Variants in SNTG2 observed in about 807,000 individuals in gnomAD.
SNTG2 encodes syntrophin gamma 2.
Under a neutral mutation model 70.9 loss-of-function variants are expected in SNTG2, and 74 were observed. That is an observed-to-expected ratio of 1.04 (90% CI 0.86 to 1.27). The LOEUF is 1.27. SNTG2 is among the 50% of genes most tolerant of loss of function. The pLI is 0.00. For missense variants in SNTG2, 717 were observed against 690.7 expected (o/e 1.04, Z -0.43); for synonymous variants, 278 against 273.8 (o/e 1.02, Z -0.15).
At chr2:1,291,557 T>G (rs1443340250) in intron 14 of SNTG2, among the ~76,000 whole-genome samples, 3 of 152,222 alleles carry the variant, frequency 2.0e-5, no homozygotes, top group Non-Finnish European at 2.9e-5. Context: ...ACTTCATTTT[T>G]GCAAATGGAT....
At chr2:1,026,042 A>G (rs1287394883) in intron 1 of SNTG2, among the ~76,000 whole-genome samples, 1 of 152,228 alleles carries the variant, frequency 6.6e-6, no homozygotes, top group African/African-American at 2.4e-5. Context: ...TTGCATGTTT[A>G]TAGAAGTTAA....
chr2:1,166,857 A>T lies in SNTG2; in HGVS notation c.499+1222A>T, dbSNP rs903692512. Among the ~76,000 whole-genome samples, 8 of 152,208 alleles carry T rather than the reference A, an allele frequency of 5.3e-5. No homozygotes were observed. The East Asian group carries it at 1.5e-3, about 29-fold the overall frequency. ...GAAGAGTATGCTGACAGGCACCAGC[A>T]GACACTGGCAGGCTATCGACTGGCA... On this transcript the variant is annotated intron_variant, in intron 7 of 16. Coordinates refer to ENST00000308624, the MANE Select transcript of SNTG2 (RefSeq NM_018968.4).
At position 1,098,262 on chromosome 2, in the gene SNTG2, T is replaced by A. The variant is rs576385457; in HGVS notation, c.267+10T>A. ...GGGCCTGAGTATAAAGGTATGGAAA[T>A]GGTTTTCTCTATTCCTGCTTTTTAT... On this transcript the variant is annotated intron_variant, in intron 3 of 16. Coordinates refer to ENST00000308624, the MANE Select transcript of SNTG2 (RefSeq NM_018968.4). The A allele has an allele frequency of 6.2e-7, 1 of 1,613,992 alleles. No homozygotes were observed. Among genetic ancestry groups the A allele is most frequent in the Admixed American group, 1.7e-5 (1 of 60,032 alleles).
chr2:1,053,891 T>G, intron 1 of SNTG2, among the ~76,000 whole-genome samples: 1 of 151,808 alleles, frequency 6.6e-6, no homozygotes, highest in African/African-American at 2.4e-5. Context: ...CTCTTCTCCC[T>G]TCCTCCCTCC....
At chr2:1,081,686 C>T (rs73170881) in intron 1 of SNTG2, among the ~76,000 whole-genome samples, 1,820 of 152,346 alleles carry the variant, frequency 0.012, 29 homozygotes, top group African/African-American at 0.035. Flanking sequence ...ACAGACGTCC[C>T]GTGAGCTCCC....
In SNTG2 at chr2:1,154,012, C is replaced by T. The variant is rs575340305; in HGVS notation, c.412-11536C>T. Among the ~76,000 whole-genome samples, 6 of 152,354 alleles carry T rather than the reference C, an allele frequency of 3.9e-5. No homozygotes were observed. The East Asian group carries it at 1.2e-3, about 29-fold the overall frequency. On this transcript the variant is annotated intron_variant, in intron 6 of 16. Coordinates refer to ENST00000308624, the MANE Select transcript of SNTG2 (RefSeq NM_018968.4). ...AAATACAAAAGTCGAATAGAAATCT[C>T]TTGCAAAACAGAATGTTACTTATAT...
At chr2:1,083,801 C>A in intron 2 of SNTG2, 146 bp downstream of exon 2, 1 of 872,086 alleles carries the variant, frequency 1.1e-6, no homozygotes, top group Non-Finnish European at 1.8e-6. Flanking sequence ...TTCACTGTGT[C>A]ACAAAATACA....
At chr2:1,260,564 A>G (rs1678361082) in intron 13 of SNTG2, among the ~76,000 whole-genome samples, 2 of 152,246 alleles carry the variant, frequency 1.3e-5, no homozygotes, top group African/African-American at 4.8e-5. Flanking sequence ...ATTCATTAAA[A>G]AATGGAGGAA....
chr2:1,299,766 C>T (rs1205683397), intron 14 of SNTG2, among the ~76,000 whole-genome samples: 2 of 152,188 alleles, frequency 1.3e-5, no homozygotes, highest in South Asian at 2.1e-4. Flanking sequence ...AGAGACCAGC[C>T]CGTCCTCTGT....
chr2:994,142 G>T (rs1210613915), intron 1 of SNTG2, among the ~76,000 whole-genome samples: 1 of 151,920 alleles, frequency 6.6e-6, no homozygotes, highest in East Asian at 1.9e-4. Context: ...ATTAGGTAAA[G>T]GGTCTATTCT....
Position 1,066,911 on chromosome 2 carries a change from C to T in SNTG2, c.73-16607C>T, listed in dbSNP as rs189779165. Among the ~76,000 whole-genome samples the T allele has an allele frequency of 1.4e-4, 22 of 152,272 alleles. No homozygotes were observed. The East Asian group carries it at 4.1e-3, about 28-fold the overall frequency. The stretch of plus-strand genomic sequence containing the variant: ...GTCAACTTCCAATGGCGTCGCTACG[C>T]TCCTCATCTTCAAAGCTCTCATCTC... On this transcript the variant is annotated intron_variant, in intron 1 of 16. Transcript: ENST00000308624.
intron 14 of SNTG2, among the ~76,000 whole-genome samples, chr2:1,307,367 GT>G (rs1680740073): frequency 6.7e-6 from 1 of 149,762 alleles, no homozygotes; most frequent in African/African-American, 2.5e-5. Context: ...GTATGTGTGT[GT>G]GTATATATGG....
At chr2:1,354,345 C>T (rs190904655) in intron 16 of SNTG2, among the ~76,000 whole-genome samples, 10 of 46,540 alleles carry the variant, frequency 2.1e-4, no homozygotes, top group African/African-American at 1.1e-3. Flanking sequence ...AGACCCCGGG[C>T]TGGAGCTCAG....
intron 6 of SNTG2, among the ~76,000 whole-genome samples, chr2:1,149,217 G>GAGACACACAC (rs1553339083): frequency 0.08 from 11,879 of 148,958 alleles, 603 homozygotes; most frequent in African/African-American, 0.14. Flanking sequence ...GTGAGAGAGA[G>GAGACACACAC]ACACACACAC....
chr2:1,091,261 C>T (rs1025392275), intron 2 of SNTG2, among the ~76,000 whole-genome samples: 1 of 152,166 alleles, frequency 6.6e-6, no homozygotes, highest in Non-Finnish European at 1.5e-5. Context: ...CCTGATAGTG[C>T]AGGCCAGGCT....
intron 16 of SNTG2, among the ~76,000 whole-genome samples, chr2:1,363,053 G>A (rs1369978399): frequency 6.6e-6 from 1 of 152,102 alleles, no homozygotes; most frequent in Non-Finnish European, 1.5e-5. Flanking sequence ...CACCGATGCT[G>A]AGCATTTCCA....
At chr2:1,264,130 AAGTT>A (rs974158627) in intron 13 of SNTG2, among the ~76,000 whole-genome samples, 32 of 152,242 alleles carry the variant, frequency 2.1e-4, no homozygotes, top group Admixed American at 1.3e-4. Context: ...CATTAAGAAA[AAGTT>A]AGAGATGTCG....
chr2:1,164,312 G>C (rs1244285594), intron 6 of SNTG2, among the ~76,000 whole-genome samples: 1 of 130,172 alleles, frequency 7.7e-6, no homozygotes, highest in Non-Finnish European at 1.6e-5. Context: ...GGCGGGGTGG[G>C]ATATGCCTGG....
At chr2:1,283,982 G>C (rs1429031847) in intron 14 of SNTG2, among the ~76,000 whole-genome samples, 1 of 152,100 alleles carries the variant, frequency 6.6e-6, no homozygotes, top group Admixed American at 6.6e-5. Flanking sequence ...AGTACCTCAC[G>C]GTAGATATTT....
Sources: gnomAD v4.1 joint callset for allele counts (sites outside exome capture counted in the v4.1 genomes callset) on GRCh38, gnomAD v4.1.1 for gene constraint, MANE v1.5 for transcripts, NCBI Gene and HGNC (gene_info 2026-07-23, HGNC 2026-07-21) for gene names.